MAST4: variants seen among roughly 807,000 people sequenced by gnomAD.
The protein encoded by MAST4 is microtubule-associated serine/threonine-protein kinase 4.
Under a neutral mutation model 162.7 loss-of-function variants are expected in MAST4, and 89 were observed. The observed-to-expected ratio is 0.55, with a 90% CI of 0.46 to 0.65. MAST4 has a LOEUF of 0.65. MAST4 is among the 30% of genes least tolerant of loss of function. The pLI, the probability that MAST4 is intolerant of heterozygous loss-of-function variation, is 0.00. For synonymous variants in MAST4, 1,479 were observed against 1,361.1 expected, an observed-to-expected ratio of 1.09 and a Z score of -1.91; for missense variants, 3,153 against 3,374.0, an observed-to-expected ratio of 0.93 and a Z score of 1.62.
At chr5:67,144,574 G>T in intron 21 of MAST4, 95 bp from the exon 22 acceptor site, 1 of 1,274,372 alleles carries the variant, frequency 7.8e-7, no homozygotes, top group Non-Finnish European at 1.1e-6. Context: ...TCAGAATTTA[G>T]TTATCCTCTC....
chr5:66,901,093 C>T (rs1018927696), intron 4 of MAST4, among the ~76,000 whole-genome samples: 4 of 151,846 alleles, frequency 2.6e-5, no homozygotes, highest in Non-Finnish European at 4.4e-5. Flanking sequence ...ACTCTGTTGC[C>T]GAAACTTGGA....
chr5:66,769,678 G>A (rs890483086), intron 2 of MAST4, among the ~76,000 whole-genome samples: 92 of 152,260 alleles, frequency 6.0e-4, no homozygotes, highest in East Asian at 1.4e-3. Flanking sequence ...AAAAGGTCCA[G>A]TAAAAATACA....
intron 14 of MAST4, among the ~76,000 whole-genome samples, chr5:67,123,916 C>A (rs1484874522): frequency 1.3e-5 from 2 of 148,324 alleles, no homozygotes; most frequent in Non-Finnish European, 3.0e-5. Flanking sequence ...CATGCTATCC[C>A]TGTAGTCTTT....
chr5:66,744,214 T>C (rs1193891973), intron 1 of MAST4, among the ~76,000 whole-genome samples: 2 of 152,168 alleles, frequency 1.3e-5, no homozygotes, highest in Non-Finnish European at 2.9e-5. Flanking sequence ...CGGTTATCTT[T>C]CTGTGTCTTT....
chr5:67,006,574 C>G (rs1179709659), intron 4 of MAST4, among the ~76,000 whole-genome samples: 1 of 152,194 alleles, frequency 6.6e-6, no homozygotes, highest in East Asian at 1.9e-4. Flanking sequence ...GCGGTACAGC[C>G]TCTACTCTTA....
At chr5:66,768,335 A>T (rs1754201230) in intron 2 of MAST4, among the ~76,000 whole-genome samples, 1 of 152,110 alleles carries the variant, frequency 6.6e-6, no homozygotes, top group Non-Finnish European at 1.5e-5. Context: ...GCAAATGTGA[A>T]AGGGTTGACC....
chr5:67,012,534 G>A (rs1412205527), intron 4 of MAST4, among the ~76,000 whole-genome samples: 1 of 152,122 alleles, frequency 6.6e-6, no homozygotes, highest in African/African-American at 2.4e-5. Flanking sequence ...TTACATAGTA[G>A]AGCCAAGATA....
chr5:66,796,825 AC>A (rs1399060709), intron 3 of MAST4, among the ~76,000 whole-genome samples: 1 of 152,186 alleles, frequency 6.6e-6, no homozygotes, highest in Non-Finnish European at 1.5e-5. Flanking sequence ...AAATGCCTGC[AC>A]CTAGCTGTCC....
chr5:66,620,672 G>T (rs1744019233), intron 1 of MAST4, among the ~76,000 whole-genome samples: 1 of 152,138 alleles, frequency 6.6e-6, no homozygotes, highest in Non-Finnish European at 1.5e-5. Context: ...GATTTTATGA[G>T]AAAATATTTG....
At chr5:66,845,705 G>A (rs186440483) in intron 3 of MAST4, among the ~76,000 whole-genome samples, 176 of 152,198 alleles carry the variant, frequency 1.2e-3, no homozygotes, top group Non-Finnish European at 2.1e-3. Flanking sequence ...TTTCACAATG[G>A]TTGAACTAGT....
intron 5 of MAST4, among the ~76,000 whole-genome samples, chr5:67,075,160 A>AC (rs1761468846): frequency 8.7e-6 from 1 of 114,622 alleles, no homozygotes; most frequent in African/African-American, 4.0e-5. Flanking sequence ...GATTGGAATG[A>AC]GTTTTTTTTT....
intron 4 of MAST4, among the ~76,000 whole-genome samples, chr5:66,993,358 T>C (rs534948261): frequency 2.9e-4 from 44 of 152,338 alleles, no homozygotes; most frequent in African/African-American, 1.0e-3. Flanking sequence ...GTCTGGTGTG[T>C]ACTTTGAGAC....
intron 3 of MAST4, among the ~76,000 whole-genome samples, chr5:66,816,496 G>A (rs1310799487): frequency 1.3e-5 from 2 of 152,182 alleles, no homozygotes; most frequent in African/African-American, 4.8e-5. Flanking sequence ...TTTTATGTAA[G>A]AGTGTAGTAA....
In MAST4 at chr5:67,058,345, A is replaced by G. The variant is rs73768178; in HGVS notation, c.763+3853A>G. Among the ~76,000 whole-genome samples the G allele has an allele frequency of 9.9e-3, 1,505 of 152,220 alleles. 21 individuals carry two copies. Among genetic ancestry groups the G allele is most frequent in the African/African-American group, 0.034 (1,426 of 41,530 alleles). ...AGGGTTGATGTGAATTAGTGTAACC[A>G]TTTTGGTTAGTGGTTTTCAGTATTG... On this transcript the variant is annotated intron_variant, in intron 5 of 28. Transcript: ENST00000403625.
chr5:67,163,691 A>C lies in MAST4; in HGVS notation c.4512A>C (p.Pro1504=), dbSNP rs55831870. 0.011 allele frequency: 18,496 copies of C among 1,609,458 alleles called. 1,786 individuals are homozygous for C. The African/African-American group carries it at 0.21, about 18-fold the overall frequency. Residue 1504 remains proline, a synonymous_variant, in exon 29 of 29, where the codon CCA becomes CCC. Transcript: ENST00000403625. The surrounding 1 kb of genome is among the most constrained non-coding windows in gnomAD (Gnocchi z 7.0). ...TGCCGCCGCTCAGCCGCGCCCGGCCAGTGGAGCAAGGCTGCCTGAAACGCC... is the reference window on the plus strand; with the variant it reads ...TGCCGCCGCTCAGCCGCGCCCGGCCCGTGGAGCAAGGCTGCCTGAAACGCC... ...CDVPPLSRAR[P]VEQGCLKRPV... is the part of the protein sequence containing the mutation.
chr5:66,731,638 T>G (rs936341680), intron 1 of MAST4, among the ~76,000 whole-genome samples: 1 of 152,170 alleles, frequency 6.6e-6, no homozygotes, highest in Non-Finnish European at 1.5e-5. Context: ...TTCCTCTGGC[T>G]TATAGTCTTC....
intron 4 of MAST4, among the ~76,000 whole-genome samples, chr5:66,981,290 G>A (rs532611561): frequency 7.2e-5 from 11 of 152,234 alleles, no homozygotes; most frequent in South Asian, 4.1e-4. Flanking sequence ...GAAATTATCC[G>A]CTCAAAATAG....
chr5:66,988,936 T>C (rs1024901760), intron 4 of MAST4, among the ~76,000 whole-genome samples: 4 of 152,234 alleles, frequency 2.6e-5, no homozygotes, highest in African/African-American at 4.8e-5. Context: ...ATAAGACATA[T>C]TTGTAAACAT....
At chr5:66,788,918 A>G (rs1580453561) in intron 3 of MAST4, 124 bp downstream of exon 3, 2 of 1,244,166 alleles carry the variant, frequency 1.6e-6, no homozygotes, top group Admixed American at 3.5e-5. Flanking sequence ...CATATTTGGC[A>G]ATGTGGAATT....
Sources: allele counts gnomAD v4.1 joint callset (sites outside exome capture counted in the v4.1 genomes callset), GRCh38; gene constraint gnomAD v4.1.1; non-coding constraint Gnocchi (gnomAD v3.1); transcripts MANE v1.5; gene names NCBI Gene and HGNC (gene_info 2026-07-23, HGNC 2026-07-21).